The following TMC1 variants were observed in gnomAD, a reference collection of about 807,000 sequenced individuals.
TMC1 encodes transmembrane channel like 1.
A neutral mutation model predicts 105.8 loss-of-function variants in TMC1; 84 were observed. That is an observed-to-expected ratio of 0.79 (90% CI 0.67 to 0.95). The LOEUF is 0.95. Among genes scored for constraint, TMC1 ranks in the 40% least tolerant of loss-of-function variants. The pLI is 0.00. For synonymous variants in TMC1, 315 were observed against 311.5 expected (o/e 1.01, Z -0.12); for missense variants, 817 against 914.1 (o/e 0.89, Z 1.37).
At chr9:72,655,718 G>A in intron 5 of TMC1, 1 of 433,546 alleles carries the variant, frequency 2.3e-6, no homozygotes, top group Non-Finnish European at 4.2e-6. Context: ...CTCCAGCCCG[G>A]GCGACAGACC....
chr9:72,698,648 T>C (rs755610062), intron 7 of TMC1, among the ~76,000 whole-genome samples: 3 of 152,164 alleles, frequency 2.0e-5, no homozygotes, highest in Non-Finnish European at 4.4e-5. Flanking sequence ...TAAAGTATCA[T>C]AGTGACGGTA....
chr9:72,753,637 A>C (rs546579445), intron 11 of TMC1, among the ~76,000 whole-genome samples: 4 of 152,110 alleles, frequency 2.6e-5, no homozygotes, highest in Non-Finnish European at 5.9e-5. Flanking sequence ...GGCAATGATT[A>C]CCAACTCCAG....
At chr9:72,612,226 C>T (rs779663185) in intron 2 of TMC1, among the ~76,000 whole-genome samples, 8 of 152,112 alleles carry the variant, frequency 5.3e-5, no homozygotes, top group Admixed American at 1.3e-4. Context: ...ATAACTTAAC[C>T]AGTGTATGCT....
At chr9:72,667,112 C>A (rs1564478417) in intron 5 of TMC1, among the ~76,000 whole-genome samples, 1 of 151,892 alleles carries the variant, frequency 6.6e-6, no homozygotes, top group East Asian at 1.9e-4. Flanking sequence ...AACCAAAAAC[C>A]AAAAAAAGTA....
chr9:72,585,249 C>CA (rs760764272), intron 2 of TMC1, among the ~76,000 whole-genome samples: 3 of 150,206 alleles, frequency 2.0e-5, no homozygotes, highest in Non-Finnish European at 2.9e-5. Context: ...CTCCTGGGTT[C>CA]ACGCCATTCT....
intron 2 of TMC1, among the ~76,000 whole-genome samples, chr9:72,592,905 A>G (rs1824660908): frequency 6.6e-6 from 1 of 152,184 alleles, no homozygotes; most frequent in Admixed American, 6.5e-5. Context: ...ATTTCCTAGG[A>G]CAGTGGGTGT....
chr9:72,561,242 C>G (rs1587958115), intron 1 of TMC1, among the ~76,000 whole-genome samples: 1 of 140,114 alleles, frequency 7.1e-6, no homozygotes, highest in South Asian at 2.3e-4. Flanking sequence ...GGCGTGAACC[C>G]GGGAGGCACA....
chr9:72,618,250 T>C (rs1339467846), intron 3 of TMC1, among the ~76,000 whole-genome samples: 1 of 151,896 alleles, frequency 6.6e-6, no homozygotes, highest in Non-Finnish European at 1.5e-5. Context: ...GCTGGTCTCC[T>C]GACCTTAAGT....
At position 72,641,462 on chromosome 9, in the gene TMC1, A is replaced by G. The variant is rs529117157; in HGVS notation, c.-52-7135A>G. ...AAAACAGTCCTCTTCACTGTCCTCC[A>G]GTAGAAAAAGCTCAATAATGGGTCT... On this transcript the variant is annotated intron_variant, in intron 4 of 23. Transcript: ENST00000297784. 3.3e-5 allele frequency among the ~76,000 whole-genome samples: 5 copies of G among 152,328 alleles called. No homozygotes were observed. In the South Asian group the frequency reaches 8.3e-4, roughly 25 times the overall value.
chr9:72,821,856 A>G (rs566522494), intron 20 of TMC1, among the ~76,000 whole-genome samples: 3 of 152,154 alleles, frequency 2.0e-5, no homozygotes, highest in Non-Finnish European at 2.9e-5. Flanking sequence ...CCCACACTTT[A>G]CCTAGGAAAG....
intron 5 of TMC1, among the ~76,000 whole-genome samples, chr9:72,683,473 A>C (rs2132178629): frequency 6.6e-6 from 1 of 151,856 alleles, no homozygotes; most frequent in Admixed American, 6.6e-5. Context: ...AGAGTATAAT[A>C]TTACACAGTG....
chr9:72,826,874 A>G lies in TMC1; in HGVS notation c.2009A>G (p.Lys670Arg), dbSNP rs1474507472. The G allele has an allele frequency of 6.2e-7, 1 of 1,613,976 alleles. No homozygotes were observed. Among genetic ancestry groups the G allele is most frequent in the East Asian group, 2.2e-5 (1 of 44,870 alleles). The change falls in exon 21 of 24, where the codon AAA becomes AGA. Residue 670 changes from lysine (K) to arginine (R), a missense_variant. By Grantham distance (26) the Lys-to-Arg change is conservative (BLOSUM62 2). Coordinates refer to ENST00000297784, the MANE Select transcript of TMC1 (RefSeq NM_138691.3). Reference sequence around the variant, plus strand: ...CCCCTTTTTAATTCCCCCAGTGGCAAAAATAGAATGTTTGAAGTCATTGGA... The same window carrying G: ...CCCCTTTTTAATTCCCCCAGTGGCAGAAATAGAATGTTTGAAGTCATTGGA... ...PSFDCGPFSG[K>R]NRMFEVIGET...
intron 20 of TMC1, among the ~76,000 whole-genome samples, chr9:72,822,000 C>T (rs1828883109): frequency 6.6e-6 from 1 of 152,180 alleles, no homozygotes; most frequent in African/African-American, 2.4e-5. Flanking sequence ...AGTCAGGAAT[C>T]GAGAGTCACA....
chr9:72,704,665 C>T (rs1188016065), intron 8 of TMC1, among the ~76,000 whole-genome samples: 2 of 152,150 alleles, frequency 1.3e-5, no homozygotes, highest in South Asian at 4.1e-4. Flanking sequence ...TCCTTTTCAT[C>T]ATCACTGTGG....
chr9:72,723,895 G>A lies in TMC1; in HGVS notation c.363-16224G>A, dbSNP rs145647659. Among the ~76,000 whole-genome samples the A allele has an allele frequency of 1.2e-3, 189 of 152,268 alleles. 1 individual carries two copies. The highest frequency in any genetic ancestry group is 4.4e-3 in the African/African-American group (181 of 41,536). ...TGCCTTAGTTTGGCAGGCTTTTCAA[G>A]TGGCTCACTGAGCTACTGTTTCTAT... On this transcript the variant is annotated intron_variant, in intron 8 of 23. Coordinates refer to ENST00000297784, the MANE Select transcript of TMC1 (RefSeq NM_138691.3).
rs1211509432 is a variant in TMC1, at chr9:72,806,353, AC to A, written c.1695+850del. Among the ~76,000 whole-genome samples, 552 of 118,554 alleles carry A rather than the reference AC, an allele frequency of 4.7e-3. 4 individuals carry two copies. The highest frequency in any genetic ancestry group is 0.017 in the African/African-American group (519 of 29,980). The allele number at this position is 118,554 out of a possible 152,430, so 77.8% of individuals were successfully genotyped here. A position where few individuals can be genotyped will look rare whatever the true frequency, so the allele number is the denominator to read the frequency against. ...GGGCGGCTGGCCGGGTGGGGGGCTG[AC>A]CCCCCCACCTCCCTCCCGGACGGGG... On this transcript the variant is annotated intron_variant, in intron 18 of 23. Coordinates refer to ENST00000297784, the MANE Select transcript of TMC1 (RefSeq NM_138691.3).
intron 2 of TMC1, among the ~76,000 whole-genome samples, chr9:72,581,096 A>G (rs1174895023): frequency 1.3e-5 from 2 of 152,256 alleles, no homozygotes; most frequent in Non-Finnish European, 2.9e-5. Flanking sequence ...TTTGGAATAC[A>G]TAAAAAATGA....
chr9:72,536,092 A>T (rs1587943223), intron 1 of TMC1, among the ~76,000 whole-genome samples: 1 of 152,222 alleles, frequency 6.6e-6, no homozygotes, highest in Admixed American at 6.5e-5. Flanking sequence ...ATTTCTTCCT[A>T]ATAGTCCCTA....
intron 3 of TMC1, among the ~76,000 whole-genome samples, chr9:72,617,643 G>A (rs1389599531): frequency 6.6e-6 from 1 of 152,062 alleles, no homozygotes; most frequent in Non-Finnish European, 1.5e-5. Flanking sequence ...AAAAATAATA[G>A]CACCTGAAAA....
Sources: gnomAD v4.1 joint callset for allele counts (sites outside exome capture counted in the v4.1 genomes callset) on GRCh38, gnomAD v4.1.1 for gene constraint, MANE v1.5 for transcripts, NCBI Gene and HGNC (gene_info 2026-07-23, HGNC 2026-07-21) for gene names.